ANKRD6: variants seen among roughly 807,000 people sequenced by gnomAD.
ANKRD6 encodes ankyrin repeat domain 6, also known as ankyrin repeat domain-containing protein 6.
A neutral mutation model predicts 82.3 loss-of-function variants in ANKRD6; 56 were observed. The observed-to-expected ratio is 0.68, with a 90% confidence interval of 0.55 to 0.85. ANKRD6 has a LOEUF of 0.85. Ranked by LOEUF, ANKRD6 falls within the 40% of genes least tolerant of loss-of-function variation. ANKRD6 has a pLI of 0.00. For synonymous variants in ANKRD6, 347 were observed against 352.1 expected (o/e 0.99, Z 0.16); for missense variants, 852 against 907.6 (o/e 0.94, Z 0.79).
chr6:89,518,192 C>T (rs1387760105), intron 1 of ANKRD6, among the ~76,000 whole-genome samples: 1 of 151,954 alleles, frequency 6.6e-6, no homozygotes, highest in East Asian at 1.9e-4. Context: ...CACCTGAGGT[C>T]CAGAGTTCGT....
At chr6:89,539,714 C>T (rs1784241178) in intron 1 of ANKRD6, among the ~76,000 whole-genome samples, 2 of 151,234 alleles carry the variant, frequency 1.3e-5, no homozygotes, top group South Asian at 2.1e-4. Flanking sequence ...AGTCACTCTG[C>T]TGTGCTATCA....
intron 1 of ANKRD6, among the ~76,000 whole-genome samples, chr6:89,443,076 A>G (rs1326463221): frequency 6.6e-6 from 1 of 152,192 alleles, no homozygotes; most frequent in Non-Finnish European, 1.5e-5. Context: ...TTTATCTGTC[A>G]TGTGATACTA....
chr6:89,569,572 T>A (rs942724693), intron 2 of ANKRD6, among the ~76,000 whole-genome samples: 10 of 152,262 alleles, frequency 6.6e-5, no homozygotes, highest in African/African-American at 2.4e-4. Flanking sequence ...CAAGTTTTTG[T>A]GTTGGAAATA....
rs1401800582 is a variant in ANKRD6 at position 89,567,010 on chromosome 6, GA to G, written c.35del (p.Glu12GlyfsTer5). 1 of 1,603,554 alleles carries G rather than the reference GA, an allele frequency of 6.2e-7. No homozygotes were observed. The highest frequency in any genetic ancestry group is 8.5e-7 in the Non-Finnish European group (1 of 1,174,896). The stretch of plus-strand genomic sequence containing the variant: ...GCAAGATGCGGTCGCTGCACTTTCA[GA>G]GCGCCTTCTCGTAGCTGCGTACAAA... ...SQQDAVAALS[E>X]RLLVAAYKGQ... On this transcript the variant is annotated frameshift_variant, in exon 2 of 16. Coordinates refer to ENST00000339746, the MANE Select transcript of ANKRD6 (RefSeq NM_001242809.2). LOFTEE classifies it high-confidence loss of function.
At chr6:89,506,517 G>A (rs1779883506) in intron 1 of ANKRD6, among the ~76,000 whole-genome samples, 2 of 152,126 alleles carry the variant, frequency 1.3e-5, no homozygotes, top group Non-Finnish European at 2.9e-5. Context: ...GTTTCACCAT[G>A]TTGGCCGGGC....
chr6:89,468,106 G>A lies in ANKRD6; in HGVS notation c.-144+34731G>A, dbSNP rs540026343. 5.3e-5 allele frequency among the ~76,000 whole-genome samples: 8 copies of A among 152,278 alleles called. 1 individual carries two copies. The highest frequency in any genetic ancestry group is 4.6e-4 in the Admixed American group (7 of 15,290). Reference sequence around the variant, plus strand: ...AAATTAGGCGACCCACACCAAGCATGTATGGCTTTGAGTCTTACAGATGGC... The same window carrying A: ...AAATTAGGCGACCCACACCAAGCATATATGGCTTTGAGTCTTACAGATGGC... On this transcript the variant is annotated intron_variant, in intron 1 of 15. Transcript: ENST00000339746.
intron 2 of ANKRD6, among the ~76,000 whole-genome samples, chr6:89,570,055 G>A (rs1477086643): frequency 2.0e-4 from 17 of 86,938 alleles, no homozygotes; most frequent in Admixed American, 1.7e-3. Flanking sequence ...GTGTGTGTAT[G>A]TGTGTATATG....
At chr6:89,545,854 G>T (rs552217693) in intron 1 of ANKRD6, among the ~76,000 whole-genome samples, 1 of 152,310 alleles carries the variant, frequency 6.6e-6, no homozygotes, top group South Asian at 2.1e-4. Flanking sequence ...GCCCAGACTG[G>T]AGTGCAGTGG....
At chr6:89,484,461 A>G (rs773522641) in intron 1 of ANKRD6, among the ~76,000 whole-genome samples, 39 of 152,334 alleles carry the variant, frequency 2.6e-4, no homozygotes, top group Non-Finnish European at 4.6e-4. Context: ...ATCTTAAAAA[A>G]TCTTGAAGTA....
At chr6:89,471,288 G>T (rs949131250) in intron 1 of ANKRD6, among the ~76,000 whole-genome samples, 1 of 150,084 alleles carries the variant, frequency 6.7e-6, no homozygotes, top group Non-Finnish European at 1.5e-5. Context: ...GGAGGTGGAG[G>T]TTGCCTGGAT....
chr6:89,620,738 C>T (rs17735602), intron 9 of ANKRD6, among the ~76,000 whole-genome samples: 21,871 of 152,044 alleles, frequency 0.14, 1,876 homozygotes, highest in Non-Finnish European at 0.19. Context: ...TGAATCCCAA[C>T]GACTCCCCGT....
Position 89,629,072 on chromosome 6 carries a change from T to G in ANKRD6, c.1486-40T>G, listed in dbSNP as rs373440934. 5.7e-6 allele frequency: 9 copies of G among 1,582,046 alleles called. No homozygotes were observed. In the African/African-American group the frequency reaches 1.2e-4, roughly 22 times the overall value. On this transcript the variant is annotated intron_variant, in intron 14 of 15. Transcript: ENST00000339746. ...ACCATGTATCAAATTCACTTGATTC[T>G]TCTATGTACTTATTTGTGGGGTTTG...
At chr6:89,544,534 G>A (rs1165843916) in intron 1 of ANKRD6, among the ~76,000 whole-genome samples, 2 of 152,038 alleles carry the variant, frequency 1.3e-5, no homozygotes, top group Admixed American at 1.3e-4. Flanking sequence ...CTAGCACGGT[G>A]AAACCCCATC....
chr6:89,612,402 C>G, intron 6 of ANKRD6, 32 bp downstream of exon 6: 2 of 1,521,882 alleles, frequency 1.3e-6, no homozygotes, highest in South Asian at 1.2e-5. Flanking sequence ...CTCACGTTCT[C>G]TCTTTCTTGT....
chr6:89,548,212 C>T (rs1226640092), intron 1 of ANKRD6, among the ~76,000 whole-genome samples: 2 of 152,198 alleles, frequency 1.3e-5, no homozygotes, highest in East Asian at 3.8e-4. Flanking sequence ...TTTCTCCTGG[C>T]AACCACTAAT....
intron 1 of ANKRD6, among the ~76,000 whole-genome samples, chr6:89,438,654 T>A (rs1040188298): frequency 2.0e-5 from 3 of 152,186 alleles, no homozygotes; most frequent in Non-Finnish European, 4.4e-5. Flanking sequence ...TTTCTAACTT[T>A]TTTTTTTAGA....
At chr6:89,522,149 G>C (rs1435776687) in intron 1 of ANKRD6, among the ~76,000 whole-genome samples, 1 of 152,168 alleles carries the variant, frequency 6.6e-6, no homozygotes, top group African/African-American at 2.4e-5. Context: ...GACTTATCAG[G>C]GGGGAATTCT....
intron 1 of ANKRD6, among the ~76,000 whole-genome samples, chr6:89,556,167 C>T (rs1049123873): frequency 6.6e-6 from 1 of 152,248 alleles, no homozygotes; most frequent in Non-Finnish European, 1.5e-5. Context: ...GCTGTCTGTT[C>T]TCAACCTTTG....
intron 1 of ANKRD6, among the ~76,000 whole-genome samples, chr6:89,517,723 T>A (rs1781394203): frequency 6.6e-6 from 1 of 152,244 alleles, no homozygotes; most frequent in Non-Finnish European, 1.5e-5. Flanking sequence ...GGATACTTTT[T>A]AAAAGAGAAA....
Sources: gnomAD v4.1 joint callset for allele counts (sites outside exome capture counted in the v4.1 genomes callset) on GRCh38, gnomAD v4.1.1 for gene constraint, MANE v1.5 for transcripts, NCBI Gene and HGNC (gene_info 2026-07-23, HGNC 2026-07-21) for gene names.